DOCK7: variants seen among roughly 807,000 people sequenced by gnomAD.
DOCK7 encodes the protein dedicator of cytokinesis protein 7.
Under a neutral mutation model 271.0 loss-of-function variants are expected in DOCK7, and 138 were observed. That is an observed-to-expected ratio of 0.51 (90% CI 0.44 to 0.59). The LOEUF (loss-of-function observed/expected upper bound fraction) is 0.59, where lower values mean the gene tolerates loss of function less well. Among genes scored for constraint, DOCK7 ranks in the 20% least tolerant of loss-of-function variants. DOCK7 has a pLI of 0.00. For synonymous variants in DOCK7, 823 were observed against 876.1 expected, an observed-to-expected ratio of 0.94 and a Z score of 1.07; for missense variants, 2,066 against 2,592.4, an observed-to-expected ratio of 0.80 and a Z score of 4.41.
At chr1:62,577,391 T>C in intron 17 of DOCK7, 28 bp from the exon 18 acceptor site, 1 of 1,507,462 alleles carries the variant, frequency 6.6e-7, no homozygotes, top group East Asian at 2.3e-5. Flanking sequence ...AACAATTTTA[T>C]TTTAAATATG....
At chr1:62,587,376 C>T (rs909108732) in intron 14 of DOCK7, among the ~76,000 whole-genome samples, 7 of 148,272 alleles carry the variant, frequency 4.7e-5, no homozygotes, top group South Asian at 4.2e-4. Context: ...ATGAACAAGA[C>T]GTTTAGTATA....
intron 48 of DOCK7, among the ~76,000 whole-genome samples, chr1:62,462,402 C>T (rs74835038): frequency 0.019 from 2,922 of 152,268 alleles, 43 homozygotes; most frequent in Middle Eastern, 0.075. Context: ...TATAAAGCGG[C>T]AGTAGTTAAG....
chr1:62,527,757 T>C (rs1295740231), intron 31 of DOCK7, among the ~76,000 whole-genome samples: 1 of 149,954 alleles, frequency 6.7e-6, no homozygotes, highest in Non-Finnish European at 1.5e-5. Context: ...GGGATAGCAT[T>C]TGGAGATATA....
At chr1:62,584,669 A>T in intron 15 of DOCK7, 1 of 1,359,818 alleles carries the variant, frequency 7.4e-7, no homozygotes, top group Non-Finnish European at 9.6e-7. Flanking sequence ...TTGAGCATTA[A>T]TTATTTATCC....
Position 62,618,874 on chromosome 1 carries a change from A to G in DOCK7, c.1520-6T>C. The G allele has an allele frequency of 6.2e-7, 1 of 1,610,810 alleles. No individual in the cohort carries two copies. The highest frequency in any genetic ancestry group is 8.5e-7 in the Non-Finnish European group (1 of 1,178,070). ...AATGTCTATCTTGAGCTGAGCTGCA[A>G]ATTATATATTAAAAAACAATGTAAA... is the stretch of plus-strand genomic sequence containing the variant. On this transcript the variant is annotated splice_region_variant and splice_polypyrimidine_tract_variant and intron_variant, in intron 13 of 49. Transcript: ENST00000635253.
At chr1:62,487,563 A>C in intron 42 of DOCK7, 151 bp from the exon 43 acceptor site, 1 of 614,962 alleles carries the variant, frequency 1.6e-6, no homozygotes, top group Non-Finnish European at 2.7e-6. Context: ...TAAGACCTGC[A>C]ATAATTTCAT....
intron 1 of DOCK7, among the ~76,000 whole-genome samples, chr1:62,682,819 T>C (rs143925190): frequency 4.6e-4 from 70 of 152,224 alleles, no homozygotes; most frequent in Non-Finnish European, 8.4e-4. Flanking sequence ...TAGTAAGTCT[T>C]ATGGTTTAAG....
At chr1:62,619,815 A>AT in intron 13 of DOCK7, 85 bp downstream of exon 13, 2 of 851,638 alleles carry the variant, frequency 2.3e-6, no homozygotes, top group Non-Finnish European at 3.6e-6. Flanking sequence ...AGATAAATAA[A>AT]AAAAAAAGAT....
intron 47 of DOCK7, 103 bp from the exon 48 acceptor site, chr1:62,474,191 T>C: frequency 1.2e-6 from 1 of 864,610 alleles, no homozygotes; most frequent in South Asian, 1.6e-5. Context: ...TGGCTGCATT[T>C]AAGCTTAATG....
chr1:62,685,980 TTC>T (rs1326241201), intron 1 of DOCK7, among the ~76,000 whole-genome samples: 12 of 152,232 alleles, frequency 7.9e-5, no homozygotes, highest in African/African-American at 2.9e-4. Flanking sequence ...GCACAACTGA[TTC>T]TCTTTTTCTC....
At chr1:62,514,953 G>A (rs999306197) in intron 31 of DOCK7, among the ~76,000 whole-genome samples, 3 of 152,226 alleles carry the variant, frequency 2.0e-5, no homozygotes, top group South Asian at 4.2e-4. Flanking sequence ...TAGAGGGGAT[G>A]TTGAGAGGAA....
At position 62,619,943 on chromosome 1, in the gene DOCK7, C is replaced by G. The variant is rs953685607; in HGVS notation, c.1476G>C (p.Met492Ile). The change falls in exon 13 of 50, where the codon ATG becomes ATC. Residue 492 changes from methionine (M) to isoleucine (I), a missense_variant. Coordinates refer to ENST00000635253, the MANE Select transcript of DOCK7 (RefSeq NM_001367561.1). ...DEDLYKFLAD[M>I]RRPSSVLRRL... Reference sequence around the variant, plus strand: ...GCCGTAAGACAGAAGATGGCCTTCTCATATCAGCAAGGAATTTGTAGAGAT... The same window carrying G: ...GCCGTAAGACAGAAGATGGCCTTCTGATATCAGCAAGGAATTTGTAGAGAT... 3.1e-6 allele frequency: 5 copies of G among 1,613,788 alleles called. No individual in the cohort carries two copies. The highest frequency in any genetic ancestry group is 1.7e-4 in the Middle Eastern group (1 of 6,060).
At chr1:62,625,540 T>A in intron 11 of DOCK7, 139 bp from the exon 12 acceptor site, 1 of 758,670 alleles carries the variant, frequency 1.3e-6, no homozygotes, top group Non-Finnish European at 2.1e-6. Flanking sequence ...GAATTTTGCT[T>A]TTGGAGAGAT....
At chr1:62,575,339 TTCC>T (rs1345172845) in intron 18 of DOCK7, among the ~76,000 whole-genome samples, 3 of 152,102 alleles carry the variant, frequency 2.0e-5, no homozygotes, top group African/African-American at 4.8e-5. Context: ...ATCCCTACTC[TTCC>T]TCCTCCTCCT....
chr1:62,526,095 A>G (rs879683689), intron 31 of DOCK7, among the ~76,000 whole-genome samples: 2 of 152,034 alleles, frequency 1.3e-5, no homozygotes, highest in Non-Finnish European at 2.9e-5. Context: ...ACATGCCACC[A>G]CGCCCGGCTA....
At chr1:62,481,910 C>T (rs1646138236) in intron 43 of DOCK7, 1 of 152,194 alleles carries the variant, frequency 6.6e-6, no homozygotes, top group Admixed American at 6.5e-5. Context: ...CACAATGCTT[C>T]CTTTAAGTTA....
intron 25 of DOCK7, among the ~76,000 whole-genome samples, chr1:62,541,798 G>C (rs1383647147): frequency 6.6e-6 from 1 of 152,064 alleles, no homozygotes; most frequent in Admixed American, 6.6e-5. Context: ...AGGGTCAACT[G>C]TTCATATATA....
Position 62,495,639 on chromosome 1 carries a change from T to C in DOCK7, c.4966A>G (p.Thr1656Ala). 6.3e-7 allele frequency: 1 copy of C among 1,591,126 alleles called. No homozygotes were observed. The highest frequency in any genetic ancestry group is 8.5e-7 in the Non-Finnish European group (1 of 1,174,626). ...VFNLHMILSDTVKMKEHQEDP... is the reference protein window; with the variant it reads ...VFNLHMILSDAVKMKEHQEDP... ...TCCTGGTGTTCCTTCATTTTCACAGTATCAGAAAGAATCATATGGAGATTG... is the reference window on the plus strand; with the variant it reads ...TCCTGGTGTTCCTTCATTTTCACAGCATCAGAAAGAATCATATGGAGATTG... The change falls in exon 39 of 50, where the codon ACT becomes GCT. Residue 1656 changes from threonine to alanine, a missense_variant. Thr to Ala is a moderately conservative substitution (Grantham distance 58, BLOSUM62 0). Transcript: ENST00000635253.
intron 31 of DOCK7, among the ~76,000 whole-genome samples, chr1:62,519,369 C>G (rs575919457): frequency 6.6e-6 from 1 of 152,236 alleles, no homozygotes; most frequent in East Asian, 1.9e-4. Context: ...GACCATAAAA[C>G]TAGTTTCCAC....
Sources: gnomAD v4.1 joint callset for allele counts (sites outside exome capture counted in the v4.1 genomes callset) on GRCh38, gnomAD v4.1.1 for gene constraint, MANE v1.5 for transcripts, NCBI Gene and HGNC (gene_info 2026-07-23, HGNC 2026-07-21) for gene names.